GPR55: variants seen among roughly 807,000 people sequenced by gnomAD.
GPR55 encodes G-protein coupled receptor 55.
In GPR55, 6 loss-of-function variants were observed where a neutral mutation model predicts 7.9. The ratio of observed to expected loss-of-function variants is 0.76; its 90% confidence interval spans 0.41 to 1.49. The LOEUF (loss-of-function observed/expected upper bound fraction) is 1.49. GPR55 is among the 40% of genes most tolerant of loss of function. The pLI, the probability that GPR55 is intolerant of heterozygous loss-of-function variation, is 0.01. For missense variants in GPR55, 376 were observed against 406.0 expected, an observed-to-expected ratio of 0.93 and a Z score of 0.63; for synonymous variants, 183 against 166.8, an observed-to-expected ratio of 1.10 and a Z score of -0.75.
intron 1 of GPR55, chr2:230,957,902 G>C: frequency 1.9e-6 from 1 of 519,230 alleles, no homozygotes; most frequent in Non-Finnish European, 3.9e-6. Flanking sequence ...TTATGTGAAA[G>C]TACCCATCTT....
intron 1 of GPR55, among the ~76,000 whole-genome samples, chr2:230,931,385 G>A (rs1311256034): frequency 6.6e-6 from 1 of 152,174 alleles, no homozygotes. Flanking sequence ...AGAAATTGAA[G>A]CACAGAGGGC....
intron 1 of GPR55, among the ~76,000 whole-genome samples, chr2:230,943,952 T>C (rs927529538): frequency 5.9e-5 from 9 of 152,238 alleles, no homozygotes; most frequent in Non-Finnish European, 1.0e-4. Flanking sequence ...TTATAAATTA[T>C]CCAGCCTCAG....
chr2:230,959,678 T>G (rs1346592157), intron 1 of GPR55, among the ~76,000 whole-genome samples: 1 of 148,264 alleles, frequency 6.7e-6, no homozygotes, highest in African/African-American at 2.5e-5. Flanking sequence ...TTTTTTTTTT[T>G]GTATGCACAG....
At chr2:230,945,032 G>A (rs909290645) in intron 1 of GPR55, among the ~76,000 whole-genome samples, 3 of 152,212 alleles carry the variant, frequency 2.0e-5, no homozygotes, top group African/African-American at 7.2e-5. Context: ...GCGGGGCTGG[G>A]AGCTGCCTTC....
chr2:230,909,852 A>C lies in GPR55; in HGVS notation c.*151T>G. ...GTGGAAAAAAGGTCTTTGGGGTATA[A>C]TGAGCAAAGCTGGCACTCAATGGGC... On this transcript the variant is annotated 3_prime_UTR_variant, in exon 2 of 2. Coordinates refer to ENST00000650999, the MANE Select transcript of GPR55 (RefSeq NM_005683.4). The C allele has an allele frequency of 1.3e-6, 1 of 792,736 alleles. No individual in the cohort carries two copies. Among genetic ancestry groups the C allele is most frequent in the Non-Finnish European group, 2.0e-6 (1 of 488,842 alleles). 49.1% of individuals were successfully genotyped at this position (792,736 alleles called of 1,614,324 possible).
chr2:230,912,893 G>A (rs961485193), intron 1 of GPR55, among the ~76,000 whole-genome samples: 4 of 152,206 alleles, frequency 2.6e-5, no homozygotes, highest in East Asian at 1.9e-4. Context: ...GGCCTCAACT[G>A]TCCTTTTCAA....
intron 1 of GPR55, among the ~76,000 whole-genome samples, chr2:230,913,394 A>G (rs953964407): frequency 2.0e-5 from 3 of 152,228 alleles, no homozygotes; most frequent in Non-Finnish European, 2.9e-5. Context: ...AAATCGATAT[A>G]TATAGATAGA....
At chr2:230,954,152 C>T (rs1691444808) in intron 1 of GPR55, among the ~76,000 whole-genome samples, 1 of 152,260 alleles carries the variant, frequency 6.6e-6, no homozygotes, top group Middle Eastern at 3.2e-3. Context: ...GGCTATGCAG[C>T]CCCGTAATCG....
chr2:230,936,705 ATT>A (rs1045975090), intron 1 of GPR55, among the ~76,000 whole-genome samples: 5 of 152,172 alleles, frequency 3.3e-5, no homozygotes, highest in African/African-American at 1.2e-4. Flanking sequence ...CAATATGTGG[ATT>A]TAGGCTCATG....
chr2:230,941,487 A>G (rs943163204), intron 1 of GPR55, among the ~76,000 whole-genome samples: 11 of 152,204 alleles, frequency 7.2e-5, no homozygotes, highest in Non-Finnish European at 1.2e-4. Context: ...CTCCTCTGCC[A>G]TGGTGAGCTG....
intron 1 of GPR55, among the ~76,000 whole-genome samples, chr2:230,922,824 C>T (rs539542011): frequency 9.5e-4 from 144 of 152,280 alleles, no homozygotes; most frequent in African/African-American, 3.3e-3. Flanking sequence ...ATCCACCTGC[C>T]TCCCAAAGTG....
chr2:230,937,398 T>C (rs1328526860), intron 1 of GPR55, among the ~76,000 whole-genome samples: 1 of 151,664 alleles, frequency 6.6e-6, no homozygotes, highest in African/African-American at 2.4e-5. Flanking sequence ...GAGTGAGGCA[T>C]TGTCACTCTC....
At chr2:230,955,282 C>T (rs1691463571) in intron 1 of GPR55, among the ~76,000 whole-genome samples, 1 of 152,188 alleles carries the variant, frequency 6.6e-6, no homozygotes, top group East Asian at 1.9e-4. Flanking sequence ...GAAATTTCTC[C>T]TCATTTTTAC....
intron 1 of GPR55, among the ~76,000 whole-genome samples, chr2:230,953,948 A>C (rs746609686): frequency 2.0e-5 from 3 of 152,206 alleles, no homozygotes; most frequent in Non-Finnish European, 4.4e-5. Context: ...GGGATCCCCA[A>C]GGCGAGTCCT....
At chr2:230,931,820 AC>A (rs1477848757) in intron 1 of GPR55, among the ~76,000 whole-genome samples, 1 of 150,734 alleles carries the variant, frequency 6.6e-6, no homozygotes, top group East Asian at 1.9e-4. Context: ...TGCCCGGGCC[AC>A]CCCTGGCCCA....
chr2:230,933,612 C>T (rs1691088268), intron 1 of GPR55, among the ~76,000 whole-genome samples: 1 of 152,258 alleles, frequency 6.6e-6, no homozygotes, highest in Non-Finnish European at 1.5e-5. Context: ...CCTCAGTCCC[C>T]TTAGGCTTTC....
intron 1 of GPR55, among the ~76,000 whole-genome samples, chr2:230,954,742 C>T (rs1384321155): frequency 6.6e-6 from 1 of 151,968 alleles, no homozygotes; most frequent in Non-Finnish European, 1.5e-5. Context: ...ACCCACTAAC[C>T]AAGGCCAATG....
intron 1 of GPR55, chr2:230,957,828 G>C (rs1691516153): frequency 6.6e-6 from 4 of 610,020 alleles, no homozygotes; most frequent in Non-Finnish European, 1.2e-5. Flanking sequence ...TTCATTGTAG[G>C]TATAATTATG....
intron 1 of GPR55, among the ~76,000 whole-genome samples, chr2:230,933,946 TC>T (rs1178570577): frequency 6.6e-6 from 1 of 152,182 alleles, no homozygotes; most frequent in Non-Finnish European, 1.5e-5. Flanking sequence ...TGAGGCCACA[TC>T]TGCAGTCACC....
Sources: allele counts gnomAD v4.1 joint callset (sites outside exome capture counted in the v4.1 genomes callset), GRCh38; gene constraint gnomAD v4.1.1; transcripts MANE v1.5; gene names NCBI Gene and HGNC (gene_info 2026-07-23, HGNC 2026-07-21).